PRKN: variants seen among roughly 807,000 people sequenced by gnomAD.
PRKN encodes E3 ubiquitin-protein ligase parkin.
Under a neutral mutation model 59.5 loss-of-function variants are expected in PRKN, and 56 were observed. The ratio of observed to expected loss-of-function variants is 0.94; its 90% confidence interval spans 0.76 to 1.18. The LOEUF (loss-of-function observed/expected upper bound fraction) is 1.18, where lower values mean the gene tolerates loss of function less well. PRKN is among the 50% of genes most tolerant of loss of function. The pLI, the probability that PRKN is intolerant of heterozygous loss-of-function variation, is 0.00. For missense variants in PRKN, 657 were observed against 596.4 expected (o/e 1.10, Z -1.06); for synonymous variants, 250 against 222.1 (o/e 1.13, Z -1.12).
rs184431464 is a variant in PRKN, at chr6:162,034,675, A to C, written c.618+19416T>G. Among the ~76,000 whole-genome samples the C allele has an allele frequency of 3.3e-4, 50 of 152,370 alleles. No homozygotes were observed. In the East Asian group the frequency reaches 9.5e-3, roughly 29 times the overall value. ...TAAATCAAATAGAAATAATAATTTT[A>C]AAAACCCTAATGACTCAACATACTT... On this transcript the variant is annotated intron_variant, in intron 5 of 11. Transcript: ENST00000366898.
At chr6:162,230,831 A>G (rs1344217535) in intron 3 of PRKN, among the ~76,000 whole-genome samples, 1 of 152,234 alleles carries the variant, frequency 6.6e-6, no homozygotes, top group Non-Finnish European at 1.5e-5. Context: ...TGGCTCTTTA[A>G]AGCAGTACTT....
chr6:162,135,144 T>C (rs1049300145), intron 4 of PRKN, among the ~76,000 whole-genome samples: 1 of 152,098 alleles, frequency 6.6e-6, no homozygotes, highest in Non-Finnish European at 1.5e-5. Context: ...GTTGTTGTTG[T>C]TTGGCTTTTA....
At chr6:161,426,865 C>A (rs1158941785) in intron 9 of PRKN, among the ~76,000 whole-genome samples, 1 of 151,744 alleles carries the variant, frequency 6.6e-6, no homozygotes, top group Admixed American at 6.6e-5. Context: ...ACTACAGGCA[C>A]CTGCCACCAC....
chr6:162,569,995 T>C (rs998485201), intron 1 of PRKN, among the ~76,000 whole-genome samples: 1 of 152,076 alleles, frequency 6.6e-6, no homozygotes, highest in Admixed American at 6.5e-5. Flanking sequence ...AGTAAAAGGA[T>C]ACAATCAACA....
chr6:161,387,392 T>C (rs1051373607), intron 9 of PRKN, among the ~76,000 whole-genome samples: 5 of 152,190 alleles, frequency 3.3e-5, no homozygotes, highest in Non-Finnish European at 7.3e-5. Context: ...TGTGTTTGCT[T>C]CCCCTTCCAC....
intron 3 of PRKN, among the ~76,000 whole-genome samples, chr6:162,257,793 G>A (rs1481258710): frequency 6.6e-6 from 1 of 152,138 alleles, no homozygotes; most frequent in African/African-American, 2.4e-5. Context: ...CTTCCGGGTT[G>A]TGTTGCCTCC....
intron 6 of PRKN, among the ~76,000 whole-genome samples, chr6:161,899,949 C>T (rs1348680056): frequency 1.3e-5 from 2 of 151,966 alleles, no homozygotes; most frequent in African/African-American, 2.4e-5. Context: ...TGATCAAACC[C>T]TGTCTCTACT....
chr6:162,535,720 C>A (rs1237431496), intron 1 of PRKN, among the ~76,000 whole-genome samples: 1 of 151,844 alleles, frequency 6.6e-6, no homozygotes, highest in East Asian at 1.9e-4. Context: ...ACCAGCCTGG[C>A]AACATGGAGA....
chr6:162,637,743 A>G (rs2849557), intron 1 of PRKN, among the ~76,000 whole-genome samples: 93,203 of 152,100 alleles, frequency 0.61, 29,303 homozygotes, highest in African/African-American at 0.75. Context: ...GTAAATTTGG[A>G]TCATTAGATG....
At chr6:162,103,953 A>G (rs2128300098) in intron 4 of PRKN, among the ~76,000 whole-genome samples, 1 of 152,318 alleles carries the variant, frequency 6.6e-6, no homozygotes, top group South Asian at 2.1e-4. Context: ...CAAGAGGGCA[A>G]GTGGAGTCTC....
At chr6:161,753,136 C>T (rs2128195381) in intron 7 of PRKN, among the ~76,000 whole-genome samples, 1 of 152,190 alleles carries the variant, frequency 6.6e-6, no homozygotes, top group South Asian at 2.1e-4. Context: ...GCAGAGAGTT[C>T]AGGAGATAAG....
At chr6:162,682,145 G>A (rs184395345) in intron 1 of PRKN, among the ~76,000 whole-genome samples, 1 of 152,082 alleles carries the variant, frequency 6.6e-6, no homozygotes, top group East Asian at 1.9e-4. Flanking sequence ...TCCTAAATTT[G>A]GAAGAATTTC....
At chr6:162,075,180 C>A (rs1034685772) in intron 4 of PRKN, among the ~76,000 whole-genome samples, 2 of 152,130 alleles carry the variant, frequency 1.3e-5, no homozygotes, top group Non-Finnish European at 2.9e-5. Flanking sequence ...TGGTAGCACT[C>A]ATTTCAATTC....
At chr6:162,646,050 A>AT (rs1338018336) in intron 1 of PRKN, among the ~76,000 whole-genome samples, 1 of 151,108 alleles carries the variant, frequency 6.6e-6, no homozygotes, top group Non-Finnish European at 1.5e-5. Context: ...AATTTTTTGT[A>AT]TTTTTAGTAG....
chr6:162,428,820 A>T (rs1369804501), intron 2 of PRKN, among the ~76,000 whole-genome samples: 2 of 152,000 alleles, frequency 1.3e-5, no homozygotes, highest in African/African-American at 4.8e-5. Flanking sequence ...ACTTCCAGCC[A>T]CACTTACCTC....
intron 7 of PRKN, among the ~76,000 whole-genome samples, chr6:161,728,127 T>C (rs1448056473): frequency 1.3e-5 from 2 of 152,114 alleles, no homozygotes; most frequent in Non-Finnish European, 2.9e-5. Flanking sequence ...TTGCATGGGC[T>C]AAAAGATGCT....
chr6:162,339,263 G>C (rs1173820163), intron 2 of PRKN, among the ~76,000 whole-genome samples: 3 of 143,402 alleles, frequency 2.1e-5, no homozygotes, highest in Non-Finnish European at 4.7e-5. Flanking sequence ...CCCCCCGCCC[G>C]GCCAGCCGCC....
chr6:162,388,383 C>T (rs1025716255), intron 2 of PRKN, among the ~76,000 whole-genome samples: 1 of 152,138 alleles, frequency 6.6e-6, no homozygotes, highest in African/African-American at 2.4e-5. Flanking sequence ...ACGTTTCTAT[C>T]CAATTTTGGG....
At chr6:161,876,716 A>T (rs1438655889) in intron 6 of PRKN, among the ~76,000 whole-genome samples, 1 of 152,136 alleles carries the variant, frequency 6.6e-6, no homozygotes, top group Non-Finnish European at 1.5e-5. Flanking sequence ...TTTTGAAAAT[A>T]TTCTTTTATT....
Sources: gnomAD v4.1 joint callset for allele counts (sites outside exome capture counted in the v4.1 genomes callset) on GRCh38, gnomAD v4.1.1 for gene constraint, MANE v1.5 for transcripts, NCBI Gene and HGNC (gene_info 2026-07-23, HGNC 2026-07-21) for gene names.